The following PIEZO2 variants were observed in gnomAD, a reference collection of about 807,000 sequenced individuals.
PIEZO2 encodes the protein piezo-type mechanosensitive ion channel component 2.
In PIEZO2, 172 loss-of-function variants were observed where a neutral mutation model predicts 337.3. That is an observed-to-expected ratio of 0.51 (90% CI 0.45 to 0.58). The LOEUF is 0.58. Among genes scored for constraint, PIEZO2 ranks in the 20% least tolerant of loss-of-function variants. The pLI is 0.00. For synonymous variants in PIEZO2, 1,251 were observed against 1,228.5 expected (o/e 1.02, Z -0.38); for missense variants, 3,028 against 3,391.3 (o/e 0.89, Z 2.66).
intron 32 of PIEZO2, 120 bp from the exon 33 acceptor site, chr18:10,741,222 G>A (rs776783972): frequency 2.4e-6 from 2 of 820,150 alleles, no homozygotes; most frequent in South Asian, 1.9e-5. Flanking sequence ...TCAGAGGTCA[G>A]GTAAAGGAAC....
chr18:11,123,696 G>A (rs1401841721), intron 1 of PIEZO2, among the ~76,000 whole-genome samples: 1 of 152,086 alleles, frequency 6.6e-6, no homozygotes, highest in Non-Finnish European at 1.5e-5. Context: ...TGTAGTCCCA[G>A]CTACTTGGGA....
chr18:11,122,493 C>T (rs529882550), intron 1 of PIEZO2, among the ~76,000 whole-genome samples: 61 of 152,230 alleles, frequency 4.0e-4, no homozygotes, highest in African/African-American at 1.4e-3. Context: ...CTGAGAACAA[C>T]CATTCACACA....
At chr18:10,680,944 C>A (rs1213734119) in intron 51 of PIEZO2, among the ~76,000 whole-genome samples, 4 of 152,142 alleles carry the variant, frequency 2.6e-5, no homozygotes, top group Non-Finnish European at 5.9e-5. Flanking sequence ...AAGAGAATAA[C>A]ATCAGCCACC....
intron 2 of PIEZO2, among the ~76,000 whole-genome samples, chr18:11,050,524 T>TACAC (rs56107549): frequency 1.0e-3 from 154 of 149,076 alleles, no homozygotes; most frequent in African/African-American, 3.4e-3. Context: ...GTGTTTATTT[T>TACAC]ACACACACAC....
Position 10,854,772 on chromosome 18 carries a change from G to C in PIEZO2, c.917+581C>G, listed in dbSNP as rs989008472. Among the ~76,000 whole-genome samples the C allele has an allele frequency of 2.0e-5, 3 of 152,072 alleles. No individual in the cohort carries two copies. The highest frequency in any genetic ancestry group is 7.2e-5 in the African/African-American group (3 of 41,402). On this transcript the variant is annotated intron_variant, in intron 7 of 55. Transcript: ENST00000674853. This position sits in a 1 kb window ranked among gnomAD's most constrained non-coding sequence, Gnocchi z 4.6. ...TCTGTCACCCAGGTGGGAGTGCAGC[G>C]GTGTGATCATGGCTCACCGCAGTCT...
chr18:10,799,879 A>G (rs1294512953), intron 11 of PIEZO2, among the ~76,000 whole-genome samples: 1 of 151,846 alleles, frequency 6.6e-6, no homozygotes, highest in Non-Finnish European at 1.5e-5. Context: ...AGGCTGAGGC[A>G]GGAGAATGGC....
At chr18:10,901,228 T>C (rs2043038158) in intron 4 of PIEZO2, among the ~76,000 whole-genome samples, 1 of 152,186 alleles carries the variant, frequency 6.6e-6, no homozygotes, top group Non-Finnish European at 1.5e-5. Flanking sequence ...TCCAGGTGTT[T>C]GCTTTATTTT....
intron 15 of PIEZO2, 70 bp from the exon 16 acceptor site, chr18:10,787,254 G>C (rs1196923948): frequency 7.2e-7 from 1 of 1,386,608 alleles, no homozygotes; most frequent in Non-Finnish European, 9.6e-7. Context: ...AAAATATTTG[G>C]TTTAATTCAA....
At chr18:10,745,554 T>C (rs540947195) in intron 30 of PIEZO2, among the ~76,000 whole-genome samples, 114 of 152,274 alleles carry the variant, frequency 7.5e-4, no homozygotes, top group African/African-American at 2.6e-3. Flanking sequence ...TTTGTCCTTA[T>C]ATAACCTATG....
rs1307817988 is a variant in PIEZO2 at position 10,943,458 on chromosome 18, T to C, written c.287-32230A>G. ...CCATTTCGGAGCTTTAAGATTTGAC[T>C]GCCCTGCTGGATTTCAGACTTGCAT... On this transcript the variant is annotated intron_variant, in intron 3 of 55. Transcript: ENST00000674853. This position sits in a 1 kb window ranked among gnomAD's most constrained non-coding sequence, Gnocchi z 4.5. Among the ~76,000 whole-genome samples, 1 of 152,230 alleles carries C rather than the reference T, an allele frequency of 6.6e-6. No homozygotes were observed. Among genetic ancestry groups the C allele is most frequent in the Non-Finnish European group, 1.5e-5 (1 of 68,038 alleles).
At chr18:11,045,528 A>G (rs1390535318) in intron 2 of PIEZO2, among the ~76,000 whole-genome samples, 1 of 152,178 alleles carries the variant, frequency 6.6e-6, no homozygotes, top group African/African-American at 2.4e-5. Context: ...CACACGAAAT[A>G]TAAAAAATGT....
Position 11,116,114 on chromosome 18 carries a change from T to C in PIEZO2, c.64+32411A>G, listed in dbSNP as rs1326591758. On this transcript the variant is annotated intron_variant, in intron 1 of 55. Transcript: ENST00000674853. The surrounding 1 kb of genome is among the most constrained non-coding windows in gnomAD (Gnocchi z 5.0). Reference sequence around the variant, plus strand: ...AACATAATACAGTACCCTGTAAAGATACAGTAGCTATAATTGCTATTTCCC... The same window carrying C: ...AACATAATACAGTACCCTGTAAAGACACAGTAGCTATAATTGCTATTTCCC... Among the ~76,000 whole-genome samples the C allele has an allele frequency of 6.6e-6, 1 of 152,200 alleles. No individual in the cohort carries two copies. The highest frequency in any genetic ancestry group is 2.4e-5 in the African/African-American group (1 of 41,448).
chr18:11,054,146 A>T (rs2037635131), intron 2 of PIEZO2, among the ~76,000 whole-genome samples: 1 of 152,248 alleles, frequency 6.6e-6, no homozygotes, highest in Non-Finnish European at 1.5e-5. Context: ...ATCCTAATGG[A>T]AGGCACAGTT....
chr18:11,052,242 A>G (rs539529673), intron 2 of PIEZO2, among the ~76,000 whole-genome samples: 2 of 152,354 alleles, frequency 1.3e-5, no homozygotes, highest in South Asian at 4.1e-4. Flanking sequence ...ACCTCTCCAG[A>G]TTAATCTCTG....
At chr18:10,700,989 C>A (rs1023681927) in intron 43 of PIEZO2, among the ~76,000 whole-genome samples, 1 of 152,094 alleles carries the variant, frequency 6.6e-6, no homozygotes, top group Non-Finnish European at 1.5e-5. Context: ...CAGATGAAAC[C>A]GAGTTTGAAA....
chr18:10,829,274 A>G (rs1014597683), intron 7 of PIEZO2, among the ~76,000 whole-genome samples: 3 of 152,176 alleles, frequency 2.0e-5, no homozygotes, highest in Non-Finnish European at 4.4e-5. Context: ...ACCCTAAAAA[A>G]AAAAACTGGA....
Position 11,102,105 on chromosome 18 carries a change from A to C in PIEZO2, c.65-35883T>G, listed in dbSNP as rs1448097925. ...TCAAAATGCTGAAAGGATAGACCAA[A>C]ACCCTTCTAAACTAAGAAACAAAGA... On this transcript the variant is annotated intron_variant, in intron 1 of 55. Coordinates refer to ENST00000674853, the MANE Select transcript of PIEZO2 (RefSeq NM_001378183.1). This position sits in a 1 kb window ranked among gnomAD's most constrained non-coding sequence, Gnocchi z 5.7. Among the ~76,000 whole-genome samples the C allele has an allele frequency of 6.6e-6, 1 of 152,186 alleles. No individual in the cohort carries two copies. Among genetic ancestry groups the C allele is most frequent in the African/African-American group, 2.4e-5 (1 of 41,438 alleles).
At chr18:10,917,127 C>T (rs1014388178) in intron 3 of PIEZO2, among the ~76,000 whole-genome samples, 1 of 18,836 alleles carries the variant, frequency 5.3e-5, no homozygotes, top group Non-Finnish European at 9.1e-5. Context: ...TATACATAGA[C>T]AAAAGGTCGG....
chr18:10,975,178 C>A (rs1287534017), intron 3 of PIEZO2, among the ~76,000 whole-genome samples: 1 of 152,242 alleles, frequency 6.6e-6, no homozygotes, highest in Admixed American at 6.5e-5. Context: ...TATATAGTTT[C>A]TAACTCAAAA....
Sources: allele counts gnomAD v4.1 joint callset (sites outside exome capture counted in the v4.1 genomes callset), GRCh38; gene constraint gnomAD v4.1.1; non-coding constraint Gnocchi (gnomAD v3.1); transcripts MANE v1.5; gene names NCBI Gene and HGNC (gene_info 2026-07-23, HGNC 2026-07-21).